Variants in AKAP11 observed in about 807,000 individuals in gnomAD.
The protein encoded by AKAP11 is A-kinase anchor protein 11.
A neutral mutation model predicts 146.1 loss-of-function variants in AKAP11; 36 were observed. The observed-to-expected ratio is 0.25, with a 90% CI of 0.19 to 0.33. AKAP11 has a LOEUF of 0.33. Ranked by LOEUF, AKAP11 falls within the 10% of genes least tolerant of loss-of-function variation. The probability of loss-of-function intolerance (pLI) is 1.00; values close to 1 mark genes in which losing one functional copy is unlikely to be tolerated. For missense variants in AKAP11, 2,201 were observed against 2,197.0 expected, an observed-to-expected ratio of 1.00 and a Z score of -0.04; for synonymous variants, 780 against 786.5, an observed-to-expected ratio of 0.99 and a Z score of 0.14.
In AKAP11 at chr13:42,322,871, A is replaced by C. The variant is rs896387381; in HGVS notation, c.*3643A>C. The C allele has an allele frequency of 6.6e-6, 1 of 152,662 alleles. No individual in the cohort carries two copies. The highest frequency in any genetic ancestry group is 2.4e-5 in the African/African-American group (1 of 41,434). 9.5% of individuals were successfully genotyped at this position (152,662 alleles called of 1,614,324 possible). ...GTTTTTGTTGTAATGTTTGAATACT[A>C]TTTAATATCCGGTTTTAATATTGCT... On this transcript the variant is annotated 3_prime_UTR_variant, in exon 13 of 13. Coordinates refer to ENST00000025301, the MANE Select transcript of AKAP11 (RefSeq NM_016248.4).
chr13:42,320,564 T>G lies in AKAP11; in HGVS notation c.*1336T>G, dbSNP rs1399259753. The G allele has an allele frequency of 7.7e-6, 1 of 130,066 alleles. No individual in the cohort carries two copies. Among genetic ancestry groups the G allele is most frequent in the Non-Finnish European group, 1.6e-5 (1 of 62,676 alleles). 8.1% of individuals were successfully genotyped at this position (130,066 alleles called of 1,614,324 possible). ...CACCTCCCCCACCCCCCACTCTCTC[T>G]CATCTCTCGCTGTGTCCTGTGTATG... On this transcript the variant is annotated 3_prime_UTR_variant, in exon 13 of 13. Coordinates refer to ENST00000025301, the MANE Select transcript of AKAP11 (RefSeq NM_016248.4).
chr13:42,307,255 G>A (rs1054988015), intron 8 of AKAP11, among the ~76,000 whole-genome samples: 1 of 152,092 alleles, frequency 6.6e-6, no homozygotes, highest in African/African-American at 2.4e-5. Context: ...AAAATGGGGG[G>A]CAATTCAGGG....
rs115654014 is a variant in AKAP11 at position 42,278,989 on chromosome 13, C to T, written c.-100+6761C>T. ...GATAGTGCTCCATTGTCTTGTTTTCCGGTTCATATAGATGTGAAGTCTGTT... is the reference window on the plus strand; with the variant it reads ...GATAGTGCTCCATTGTCTTGTTTTCTGGTTCATATAGATGTGAAGTCTGTT... On this transcript the variant is annotated intron_variant, in intron 1 of 12. Transcript: ENST00000025301. Among the ~76,000 whole-genome samples, 1,418 of 151,020 alleles carry T rather than the reference C, an allele frequency of 9.4e-3. 23 individuals are homozygous for T. Among genetic ancestry groups the T allele is most frequent in the African/African-American group, 0.032 (1,319 of 41,072 alleles).
At chr13:42,284,172 C>T (rs1043064711) in intron 1 of AKAP11, among the ~76,000 whole-genome samples, 1 of 152,214 alleles carries the variant, frequency 6.6e-6, no homozygotes, top group African/African-American at 2.4e-5. Flanking sequence ...GAGATGTTTA[C>T]ATAAACCTCT....
chr13:42,275,979 TCTTGA>T (rs1305375803), intron 1 of AKAP11, among the ~76,000 whole-genome samples: 1 of 152,316 alleles, frequency 6.6e-6, no homozygotes, highest in South Asian at 2.1e-4. Flanking sequence ...TAAAACCATT[TCTTGA>T]CTTCAGTGAC....
chr13:42,318,994 G>A, intron 12 of AKAP11, 94 bp from the exon 13 acceptor site: 3 of 1,397,410 alleles, frequency 2.1e-6, no homozygotes, highest in Admixed American at 2.3e-5. Context: ...GTAAACAGCA[G>A]GATTCTTAAG....
In AKAP11 at chr13:42,303,714, T is replaced by C; in HGVS notation, c.4968T>C (p.Ala1656=). The C allele has an allele frequency of 6.2e-7, 1 of 1,614,164 alleles. No homozygotes were observed. The highest frequency in any genetic ancestry group is 1.1e-5 in the South Asian group (1 of 91,076). Residue 1656 remains alanine (A), a synonymous_variant, in exon 8 of 13, where the codon GCT becomes GCC. Transcript: ENST00000025301. ...CAGTGCTTGCTGAGAAGATAGTTGC[T>C]GAAGCCATTGAAAAAGCTGAGCGAG... is the stretch of plus-strand genomic sequence containing the variant. The part of the protein sequence containing the change: ...KKAVLAEKIV[A]EAIEKAEREL...
At chr13:42,273,896 A>G (rs1412406539) in intron 1 of AKAP11, among the ~76,000 whole-genome samples, 1 of 152,230 alleles carries the variant, frequency 6.6e-6, no homozygotes, top group African/African-American at 2.4e-5. Context: ...GCCAGTTGTA[A>G]ATAGGTAGAG....
At chr13:42,292,335 G>T in intron 3 of AKAP11, 50 bp from the exon 4 acceptor site, 5 of 1,195,354 alleles carry the variant, frequency 4.2e-6, no homozygotes, top group Non-Finnish European at 6.0e-6. Context: ...TCTTACCCTT[G>T]TCTTAGAATT....
chr13:42,296,972 G>T, intron 5 of AKAP11, 76 bp from the exon 6 acceptor site: 1 of 1,337,674 alleles, frequency 7.5e-7, no homozygotes, highest in Non-Finnish European at 1.0e-6. Flanking sequence ...AAAATTTTTG[G>T]ATAGGGTCCA....
Position 42,299,541 on chromosome 13 carries a change from A to G in AKAP11, c.795A>G (p.Lys265=), listed in dbSNP as rs1332945264. Residue 265 remains lysine (K), a synonymous_variant, in exon 8 of 13, where the codon AAA becomes AAG. Coordinates refer to ENST00000025301, the MANE Select transcript of AKAP11 (RefSeq NM_016248.4). ...GACATAAAGAACTACCTTCTGTGAAAACTTCAGTCACAACATCAATTTCAG... is the reference window on the plus strand; with the variant it reads ...GACATAAAGAACTACCTTCTGTGAAGACTTCAGTCACAACATCAATTTCAG... The part of the protein sequence containing the change: ...VLGHKELPSV[K]TSVTTSISEP... 6.2e-7 allele frequency: 1 copy of G among 1,613,974 alleles called. No individual in the cohort carries two copies. The highest frequency in any genetic ancestry group is 1.7e-5 in the Admixed American group (1 of 60,000).
intron 9 of AKAP11, among the ~76,000 whole-genome samples, chr13:42,309,388 G>T (rs1302465745): frequency 6.6e-6 from 1 of 152,098 alleles, no homozygotes. Flanking sequence ...GCATATTGCT[G>T]GTTTCAGGCA....
intron 8 of AKAP11, among the ~76,000 whole-genome samples, chr13:42,306,810 A>G (rs1960283253): frequency 6.6e-6 from 1 of 152,150 alleles, no homozygotes; most frequent in Admixed American, 6.5e-5. Context: ...TGTGAATGCA[A>G]TTGGGAAATT....
At chr13:42,311,854 A>G (rs1166655413) in intron 9 of AKAP11, among the ~76,000 whole-genome samples, 1 of 152,134 alleles carries the variant, frequency 6.6e-6, no homozygotes, top group Non-Finnish European at 1.5e-5. Context: ...ATAGAGCTAT[A>G]TTTGTTTGAA....
rs1566270658 is a variant in AKAP11 at position 42,299,359 on chromosome 13, A to G, written c.617-4A>G. ...AATTTCACCATTTCATTCTTTTCCTATAGGAATGAACATTACTGTGCTAAG... is the reference window on the plus strand; with the variant it reads ...AATTTCACCATTTCATTCTTTTCCTGTAGGAATGAACATTACTGTGCTAAG... On this transcript the variant is annotated splice_region_variant and splice_polypyrimidine_tract_variant and intron_variant, in intron 7 of 12. Transcript: ENST00000025301. 1.9e-6 allele frequency: 3 copies of G among 1,580,674 alleles called. No individual in the cohort carries two copies. Among genetic ancestry groups the G allele is most frequent in the Non-Finnish European group, 2.6e-6 (3 of 1,167,116 alleles).
At chr13:42,299,251 G>A (rs1959701711) in intron 7 of AKAP11, 112 bp from the exon 8 acceptor site, 6 of 853,554 alleles carry the variant, frequency 7.0e-6, no homozygotes, top group Non-Finnish European at 1.1e-5. Flanking sequence ...ACATAGTTTA[G>A]AAGATACACA....
At chr13:42,271,504 T>C (rs916494977), upstream of AKAP11, among the ~76,000 whole-genome samples, 1 of 152,216 alleles carries the variant, frequency 6.6e-6, no homozygotes, top group Non-Finnish European at 1.5e-5. Flanking sequence ...TCAGAAAGGA[T>C]GAGCCTTCCT....
chr13:42,300,343 C>G lies in AKAP11; in HGVS notation c.1597C>G (p.Leu533Val). The change falls in exon 8 of 13, where the codon CTT becomes GTT. Residue 533 changes from leucine (L) to valine (V), a missense_variant. By Grantham distance (32) the Leu-to-Val change is conservative (BLOSUM62 1). Around this residue, in one of 3 missense-constraint regions of AKAP11, gnomAD observed 1,867 missense variants for 1,833.5 expected, o/e 1.02. Transcript: ENST00000025301. The stretch of plus-strand genomic sequence containing the variant: ...AACTGTAACTTTTAAGCATGGAAAC[C>G]TTGATCAAAAAAATAAATCTAAAAA... ...NKTVTFKHGN[L>V]DQKNKSKNKS... The G allele has an allele frequency of 6.2e-7, 1 of 1,605,982 alleles. No individual in the cohort carries two copies. The highest frequency in any genetic ancestry group is 8.5e-7 in the Non-Finnish European group (1 of 1,177,698).
intron 3 of AKAP11, among the ~76,000 whole-genome samples, chr13:42,288,734 A>G (rs1029241373): frequency 3.3e-5 from 5 of 152,022 alleles, no homozygotes; most frequent in African/African-American, 1.2e-4. Context: ...TTTTTTCTTT[A>G]TATTCAATTC....
Sources: allele counts gnomAD v4.1 joint callset (sites outside exome capture counted in the v4.1 genomes callset), GRCh38; gene constraint gnomAD v4.1.1; regional missense constraint gnomAD v4.1.1; transcripts MANE v1.5; gene names NCBI Gene and HGNC (gene_info 2026-07-23, HGNC 2026-07-21).